Variants in SNX8 observed in about 807,000 individuals in gnomAD.
The protein encoded by SNX8 is sorting nexin-8.
Under a neutral mutation model 51.6 loss-of-function variants are expected in SNX8, and 25 were observed. That is an observed-to-expected ratio of 0.48 (90% CI 0.35 to 0.68). SNX8 has a LOEUF of 0.68. SNX8 is among the 30% of genes least tolerant of loss of function. The pLI is 0.00. For missense variants in SNX8, 695 were observed against 624.0 expected (o/e 1.11, Z -1.21); for synonymous variants, 324 against 277.0 (o/e 1.17, Z -1.68).
chr7:2,276,006 A>C (rs1271976121), intron 2 of SNX8, among the ~76,000 whole-genome samples: 1 of 152,110 alleles, frequency 6.6e-6, no homozygotes, highest in Non-Finnish European at 1.5e-5. Context: ...TCAAAAAAAA[A>C]AAAAAAACTA....
intron 1 of SNX8, among the ~76,000 whole-genome samples, chr7:2,310,131 T>C (rs76429046): frequency 2.1e-4 from 32 of 152,190 alleles, no homozygotes; most frequent in African/African-American, 7.5e-4. Context: ...TCTGTACATA[T>C]TTCTATCCAT....
chr7:2,298,453 G>A (rs968227146), intron 1 of SNX8, among the ~76,000 whole-genome samples: 3 of 149,996 alleles, frequency 2.0e-5, no homozygotes, highest in East Asian at 2.0e-4. Flanking sequence ...CTCTGCAACC[G>A]CAGCCTCCCA....
intron 1 of SNX8, among the ~76,000 whole-genome samples, chr7:2,311,311 T>C (rs1265851541): frequency 6.6e-6 from 1 of 152,228 alleles, no homozygotes; most frequent in Non-Finnish European, 1.5e-5. Context: ...CCAACCTTAG[T>C]GAACGTGTAA....
At chr7:2,350,564 G>A (rs1180657628) in intron 1 of SNX8, among the ~76,000 whole-genome samples, 5 of 152,178 alleles carry the variant, frequency 3.3e-5, no homozygotes, top group Admixed American at 2.6e-4. Flanking sequence ...AGCACTTTGG[G>A]AGGCCAACGC....
In SNX8 at chr7:2,346,936, A is replaced by G. The variant is rs963017600; in HGVS notation, c.-66+7286T>C. ...GACTCCGTCTCAAAAAAAAAAAAAA[A>G]AAAAAGAAAAAAGGAATAGGGAAAT... On this transcript the variant is annotated intron_variant, in intron 1 of 5. Transcript: ENST00000435336. Among the ~76,000 whole-genome samples the G allele has an allele frequency of 7.9e-5, 12 of 151,288 alleles. No individual in the cohort carries two copies. The South Asian group carries it at 8.3e-4, about 10-fold the overall frequency.
At chr7:2,322,954 T>G (rs1017612028) in intron 1 of SNX8, among the ~76,000 whole-genome samples, 28 of 151,426 alleles carry the variant, frequency 1.8e-4, no homozygotes, top group Admixed American at 2.6e-4. Flanking sequence ...GAGGCAGAGG[T>G]TGCAGTAAGC....
intron 1 of SNX8, among the ~76,000 whole-genome samples, chr7:2,286,670 C>A (rs1027555537): frequency 6.6e-6 from 1 of 151,576 alleles, no homozygotes; most frequent in Non-Finnish European, 1.5e-5. Context: ...AGGCGCCCAC[C>A]ACCACATCCG....
chr7:2,266,351 A>T (rs377507913), intron 5 of SNX8, among the ~76,000 whole-genome samples: 5 of 148,346 alleles, frequency 3.4e-5, no homozygotes, highest in Admixed American at 6.7e-5. Flanking sequence ...AGCCTGGCTA[A>T]TTTTTTTTTT....
At chr7:2,257,937 A>G (rs1795232636) in intron 7 of SNX8, 134 bp from the exon 8 acceptor site, 1 of 785,882 alleles carries the variant, frequency 1.3e-6, no homozygotes. Flanking sequence ...ACCACCAGCC[A>G]GGTCTGCAGG....
At chr7:2,319,024 A>AAAATAAC (rs1194711340), upstream of SNX8, among the ~76,000 whole-genome samples, 2 of 151,646 alleles carry the variant, frequency 1.3e-5, no homozygotes, top group African/African-American at 4.8e-5. Flanking sequence ...TAAAAAATAA[A>AAAATAAC]AATAAAATTG....
Position 2,263,483 on chromosome 7 carries a change from C to A in SNX8, c.783-121G>T, listed in dbSNP as rs113204832. 5.1e-6 allele frequency: 5 copies of A among 981,666 alleles called. 1 individual carries two copies. The African/African-American group carries it at 8.2e-5, about 16-fold the overall frequency. 60.8% of individuals were successfully genotyped at this position (981,666 alleles called of 1,614,324 possible). Reference sequence around the variant, plus strand: ...CAACCTGCGTGACCCCGTCCTAGGACCCTGCTGCTCAAAGAGTGGCCTGTG... The same window carrying A: ...CAACCTGCGTGACCCCGTCCTAGGAACCTGCTGCTCAAAGAGTGGCCTGTG... On this transcript the variant is annotated intron_variant, in intron 6 of 10. Coordinates refer to ENST00000222990, the MANE Select transcript of SNX8 (RefSeq NM_013321.4).
intron 10 of SNX8, 52 bp downstream of exon 10, chr7:2,256,822 G>A: frequency 6.4e-7 from 1 of 1,568,272 alleles, no homozygotes; most frequent in Non-Finnish European, 8.7e-7. Context: ...GAAGGGCGGA[G>A]GGACAAAGAA....
At chr7:2,330,806 C>G (rs1033393034) in intron 1 of SNX8, among the ~76,000 whole-genome samples, 1 of 151,820 alleles carries the variant, frequency 6.6e-6, no homozygotes, top group Admixed American at 6.6e-5. Context: ...ATGGTTTTTC[C>G]TAAAACAACA....
intron 1 of SNX8, among the ~76,000 whole-genome samples, chr7:2,349,040 T>TA (rs1779088579): frequency 1.3e-5 from 2 of 149,570 alleles, no homozygotes; most frequent in South Asian, 4.2e-4. Flanking sequence ...TTTTTTTCTT[T>TA]AAAAAAATTG....
intron 4 of SNX8, 62 bp downstream of exon 4, chr7:2,271,788 G>A (rs1472527876): frequency 7.1e-6 from 11 of 1,540,634 alleles, no homozygotes; most frequent in Non-Finnish European, 9.7e-6. Flanking sequence ...GAGAGGAAAA[G>A]GCGGGTCCGG....
intron 1 of SNX8, among the ~76,000 whole-genome samples, chr7:2,344,486 C>T (rs1474479140): frequency 6.6e-6 from 1 of 151,740 alleles, no homozygotes; most frequent in Non-Finnish European, 1.5e-5. Flanking sequence ...GTGGTGGGTG[C>T]CTGTAGTCCC....
rs116620418 is a variant in SNX8 at position 2,313,792 on chromosome 7, A to C, written c.94+536T>G. Reference sequence around the variant, plus strand: ...CGGAGGATCACTTGAAAGAGAGAGAAAAGCAGCTACACATCTATAGATTCG... The same window carrying C: ...CGGAGGATCACTTGAAAGAGAGAGACAAGCAGCTACACATCTATAGATTCG... On this transcript the variant is annotated intron_variant, in intron 1 of 10. Coordinates refer to ENST00000222990, the MANE Select transcript of SNX8 (RefSeq NM_013321.4). Among the ~76,000 whole-genome samples, 706 of 152,300 alleles carry C rather than the reference A, an allele frequency of 4.6e-3. 5 individuals carry two copies. The highest frequency in any genetic ancestry group is 0.016 in the African/African-American group (657 of 41,570).
intron 1 of SNX8, among the ~76,000 whole-genome samples, chr7:2,347,979 G>A (rs895666648): frequency 1.3e-5 from 2 of 152,048 alleles, no homozygotes; most frequent in African/African-American, 2.4e-5. Context: ...GCCTCTTTGC[G>A]TCTCCAAGTG....
intron 1 of SNX8, among the ~76,000 whole-genome samples, chr7:2,352,038 G>C (rs1322892934): frequency 6.6e-6 from 1 of 150,882 alleles, no homozygotes; most frequent in Non-Finnish European, 1.5e-5. Flanking sequence ...CTCCTGAGTA[G>C]CTGAGATTAC....
Sources: gnomAD v4.1 joint callset for allele counts (sites outside exome capture counted in the v4.1 genomes callset) on GRCh38, gnomAD v4.1.1 for gene constraint, MANE v1.5 for transcripts, NCBI Gene and HGNC (gene_info 2026-07-23, HGNC 2026-07-21) for gene names.